The following GATAD1 variants were observed in gnomAD, a reference collection of about 807,000 sequenced individuals.
The protein encoded by GATAD1 is GATA zinc finger domain-containing protein 1.
Under a neutral mutation model 26.5 loss-of-function variants are expected in GATAD1, and 12 were observed. The ratio of observed to expected loss-of-function variants is 0.45; its 90% CI spans 0.29 to 0.73. GATAD1 has a LOEUF of 0.73. GATAD1 is among the 30% of genes least tolerant of loss of function. The pLI, the probability that GATAD1 is intolerant of heterozygous loss-of-function variation, is 0.10. For missense variants in GATAD1, 266 were observed against 342.1 expected, an observed-to-expected ratio of 0.78 and a Z score of 1.75; for synonymous variants, 129 against 133.1, an observed-to-expected ratio of 0.97 and a Z score of 0.21.
chr7:92,449,276 CTCA>C, intron 2 of GATAD1: 1 of 775,840 alleles, frequency 1.3e-6, no homozygotes, highest in Non-Finnish European at 1.6e-6. Flanking sequence ...AACACTAGAA[CTCA>C]TCATTTGCAT....
At chr7:92,455,248 C>G (rs1029311454) in intron 4 of GATAD1, among the ~76,000 whole-genome samples, 1 of 152,120 alleles carries the variant, frequency 6.6e-6, no homozygotes, top group Admixed American at 6.5e-5. Flanking sequence ...TGAGTTAGAG[C>G]AATGTGCATC....
the GATAD1 span, among the ~76,000 whole-genome samples, chr7:92,486,567 G>A: frequency 6.6e-6 from 1 of 152,142 alleles, no homozygotes; most frequent in African/African-American, 2.4e-5. Flanking sequence ...GGGATTCTGA[G>A]CTTTGCTGGT....
chr7:92,454,674 C>G lies in GATAD1; in HGVS notation c.608C>G (p.Ser203Cys). The G allele has an allele frequency of 6.3e-7, 1 of 1,585,288 alleles. No individual in the cohort carries two copies. The highest frequency in any genetic ancestry group is 8.6e-7 in the Non-Finnish European group (1 of 1,169,530). Residue 203 changes from serine (S) to cysteine (C), a missense_variant, in exon 4 of 5, where the codon TCC becomes TGC. Transcript: ENST00000287957. ...CCCAGAGACCAATTTGATCCCGCCT[C>G]CTATATCATAGGTAAGTTTGACAAA... ...SSPRDQFDPA[S>C]YIIGPEEDLP... is the part of the protein sequence containing the mutation.
chr7:92,487,676 C>T, the GATAD1 span: 10 of 466,240 alleles, frequency 2.1e-5, no homozygotes, highest in Non-Finnish European at 3.8e-5. Flanking sequence ...AAATTCCAGT[C>T]ACAGAAATTA....
rs371500622 is a variant in GATAD1 at position 92,448,787 on chromosome 7, C to G, written c.285C>G (p.Leu95=). Residue 95 remains leucine (L), a synonymous_variant, in exon 2 of 5, where the codon CTC becomes CTG. Transcript: ENST00000287957. ...KQEIHRRSAR[L]RNTKYKSAPA... The stretch of plus-strand genomic sequence containing the variant: ...AAATTCACAGGAGGTCTGCTCGGCT[C>G]AGAAACACTAAATACAAATCTGCTC... 14 of 1,611,214 alleles carry G rather than the reference C, an allele frequency of 8.7e-6. No homozygotes were observed. The highest frequency in any genetic ancestry group is 1.0e-5 in the Non-Finnish European group (12 of 1,177,310).
At chr7:92,479,639 G>A in the GATAD1 span, among the ~76,000 whole-genome samples, 117 of 152,280 alleles carry the variant, frequency 7.7e-4, no homozygotes, top group Middle Eastern at 0.01. Flanking sequence ...GTGTTGAAGT[G>A]TTGGGGCAGC....
the GATAD1 span, among the ~76,000 whole-genome samples, chr7:92,492,331 A>T: frequency 6.6e-6 from 1 of 152,146 alleles, no homozygotes; most frequent in African/African-American, 2.4e-5. Flanking sequence ...TTTCACAGAG[A>T]CAAGATCCCA....
rs1348212034 is a variant in GATAD1 at position 92,448,748 on chromosome 7, A to AC, written c.250-3dup. The AC allele has an allele frequency of 6.2e-7, 1 of 1,610,308 alleles. No individual in the cohort carries two copies. Among genetic ancestry groups the AC allele is most frequent in the South Asian group, 1.1e-5 (1 of 91,002 alleles). On this transcript the variant is annotated splice_region_variant and splice_polypyrimidine_tract_variant and intron_variant, in intron 1 of 4. Transcript: ENST00000287957. ...TTTTGTTCTTTAATTTGTTTGTGTA[A>AC]CAGAGTAAGCAGGAAATTCACAGGA...
At chr7:92,493,271 C>G in the GATAD1 span, 1 of 513,740 alleles carries the variant, frequency 1.9e-6, no homozygotes, top group Non-Finnish European at 3.3e-6. Flanking sequence ...GTACCAACAG[C>G]CTACTATTTA....
chr7:92,494,738 A>G, the GATAD1 span: 5 of 667,420 alleles, frequency 7.5e-6, no homozygotes, highest in Non-Finnish European at 8.7e-6. Flanking sequence ...ATATATTTAT[A>G]TACTTCTTTT....
At position 92,448,745 on chromosome 7, in the gene GATAD1, G is replaced by T; in HGVS notation, c.250-7G>T. On this transcript the variant is annotated splice_polypyrimidine_tract_variant and splice_region_variant and intron_variant, in intron 1 of 4. Coordinates refer to ENST00000287957, the MANE Select transcript of GATAD1 (RefSeq NM_021167.5). The stretch of plus-strand genomic sequence containing the variant: ...TCTTTTTGTTCTTTAATTTGTTTGT[G>T]TAACAGAGTAAGCAGGAAATTCACA... 1 of 1,608,954 alleles carries T rather than the reference G, an allele frequency of 6.2e-7. No individual in the cohort carries two copies. Among genetic ancestry groups the T allele is most frequent in the South Asian group, 1.1e-5 (1 of 90,978 alleles).
rs1789697462 is a variant in GATAD1, at chr7:92,456,894, T to A, written c.*332T>A. ...GCTTATGCCTGTAATTGCAGCACTTTTAGAGGCCGAGGCAGGCGGATCACC... is the reference window on the plus strand; with the variant it reads ...GCTTATGCCTGTAATTGCAGCACTTATAGAGGCCGAGGCAGGCGGATCACC... On this transcript the variant is annotated 3_prime_UTR_variant, in exon 5 of 5. Coordinates refer to ENST00000287957, the MANE Select transcript of GATAD1 (RefSeq NM_021167.5). The A allele has an allele frequency of 5.2e-6, 1 of 190,976 alleles. No homozygotes were observed. Among genetic ancestry groups the A allele is most frequent in the South Asian group, 1.9e-4 (1 of 5,270 alleles). 11.8% of individuals were successfully genotyped at this position (190,976 alleles called of 1,614,324 possible). A position where few individuals can be genotyped will look rare whatever the true frequency, so the allele number is the denominator to read the frequency against.
At chr7:92,448,077 C>T (rs1789241276) in intron 1 of GATAD1, 99 bp downstream of exon 1, 2 of 895,202 alleles carry the variant, frequency 2.2e-6, no homozygotes, top group African/African-American at 1.8e-5. Context: ...CTTCCCCGAT[C>T]GCCGTGCTCC....
chr7:92,462,999 C>T (rs1015128734), downstream of GATAD1: 1 of 152,260 alleles, frequency 6.6e-6, no homozygotes, highest in Admixed American at 6.5e-5. Flanking sequence ...AAGGACCCAT[C>T]AGCAGACGAA....
Position 92,458,664 on chromosome 7 carries a change from TTA to T in GATAD1, c.*2103_*2104del, listed in dbSNP as rs1789790421. ...TTTTGAGCTGCAGCAGCTTTAACTC[TTA>T]CCCTTTTTCCACATAGTTATGGTGT... On this transcript the variant is annotated 3_prime_UTR_variant, in exon 5 of 5. Coordinates refer to ENST00000287957, the MANE Select transcript of GATAD1 (RefSeq NM_021167.5). The T allele has an allele frequency of 6.6e-6, 1 of 152,200 alleles. No homozygotes were observed. Among genetic ancestry groups the T allele is most frequent in the Non-Finnish European group, 1.5e-5 (1 of 68,020 alleles). The allele number at this position is 152,200 out of a possible 1,614,324, so 9.4% of individuals were successfully genotyped here.
At position 92,454,810 on chromosome 7, in the gene GATAD1, C is replaced by G. The variant is rs566544771; in HGVS notation, c.619+125C>G. 3 of 625,668 alleles carry G rather than the reference C, an allele frequency of 4.8e-6. No individual in the cohort carries two copies. In the East Asian group the frequency reaches 8.8e-5, roughly 18 times the overall value. 38.8% of individuals were successfully genotyped at this position (625,668 alleles called of 1,614,324 possible). A position where few individuals can be genotyped will look rare whatever the true frequency, so the allele number is the denominator to read the frequency against. ...ATCACAGACTGAGTGGCTTAAACAA[C>G]AGAAAGTCACTTTCTCACAGTTGTG... On this transcript the variant is annotated intron_variant, in intron 4 of 4. Transcript: ENST00000287957.
chr7:92,476,926 A>G, the GATAD1 span, among the ~76,000 whole-genome samples: 5 of 152,290 alleles, frequency 3.3e-5, no homozygotes, highest in Non-Finnish European at 5.9e-5. Flanking sequence ...GTCTGAACCA[A>G]TAGTACCTAG....
At chr7:92,464,774 G>A (rs1376034579), downstream of GATAD1, among the ~76,000 whole-genome samples, 1 of 152,168 alleles carries the variant, frequency 6.6e-6, no homozygotes, top group Non-Finnish European at 1.5e-5. Context: ...TTCAGAGCAA[G>A]CTAGAGAATC....
At chr7:92,489,496 C>G in the GATAD1 span, 8 of 1,338,338 alleles carry the variant, frequency 6.0e-6, no homozygotes, top group South Asian at 4.9e-5. Context: ...CCAGTTGTTA[C>G]TTCTTATTGT....
Sources: gnomAD v4.1 joint callset for allele counts (sites outside exome capture counted in the v4.1 genomes callset) on GRCh38, gnomAD v4.1.1 for gene constraint, MANE v1.5 for transcripts, NCBI Gene and HGNC (gene_info 2026-07-23, HGNC 2026-07-21) for gene names.